Variants in RASSF2 observed in about 807,000 individuals in gnomAD.
The protein encoded by RASSF2 is ras association domain-containing protein 2.
A neutral mutation model predicts 46.3 loss-of-function variants in RASSF2; 34 were observed. The ratio of observed to expected loss-of-function variants is 0.73; its 90% CI spans 0.56 to 0.98. RASSF2 has a LOEUF of 0.98. Ranked by LOEUF, RASSF2 falls within the 50% of genes least tolerant of loss-of-function variation. The pLI, the probability that RASSF2 is intolerant of heterozygous loss-of-function variation, is 0.00. For missense variants in RASSF2, 364 were observed against 431.2 expected, an observed-to-expected ratio of 0.84 and a Z score of 1.38; for synonymous variants, 158 against 162.5, an observed-to-expected ratio of 0.97 and a Z score of 0.21.
chr20:4,811,815 C>T (rs1459243931), intron 2 of RASSF2, among the ~76,000 whole-genome samples: 4 of 152,126 alleles, frequency 2.6e-5, no homozygotes, highest in Non-Finnish European at 5.9e-5. Context: ...GTAGCTTCCT[C>T]TTTTGGGGCC....
intron 6 of RASSF2, among the ~76,000 whole-genome samples, chr20:4,791,222 G>C (rs570328554): frequency 2.0e-5 from 3 of 152,182 alleles, no homozygotes; most frequent in African/African-American, 4.8e-5. Context: ...CAGAGACAGA[G>C]AGTAGAATGG....
rs1462946184 is a variant in RASSF2, at chr20:4,799,159, A to C, written c.60-1074T>G. Among the ~76,000 whole-genome samples, 5 of 152,154 alleles carry C rather than the reference A, an allele frequency of 3.3e-5. No homozygotes were observed. In the South Asian group the frequency reaches 1.0e-3, roughly 32 times the overall value. On this transcript the variant is annotated intron_variant, in intron 3 of 11. Transcript: ENST00000379400. ...TTCTGGGCCCTGGCAATACTTTTTC[A>C]GTTCTAAAAATTAAAAAATAAAAAC...
intron 2 of RASSF2, among the ~76,000 whole-genome samples, chr20:4,821,182 A>G (rs897279445): frequency 2.0e-5 from 3 of 152,174 alleles, no homozygotes; most frequent in African/African-American, 7.2e-5. Flanking sequence ...GGGTCAGAGC[A>G]TCCAAAGGAT....
chr20:4,814,505 C>A (rs977321232), intron 2 of RASSF2, among the ~76,000 whole-genome samples: 1 of 152,126 alleles, frequency 6.6e-6, no homozygotes, highest in Admixed American at 6.5e-5. Flanking sequence ...TTCCTCTACT[C>A]GCCACCTGGG....
At chr20:4,796,117 C>A (rs1439711796) in intron 4 of RASSF2, 151 bp from the exon 5 acceptor site, 3 of 707,832 alleles carry the variant, frequency 4.2e-6, no homozygotes, top group African/African-American at 1.9e-5. Context: ...CAGTTCACAC[C>A]GCAGCTCTGA....
chr20:4,784,840 G>A (rs2422980), intron 11 of RASSF2, among the ~76,000 whole-genome samples: 84,199 of 151,884 alleles, frequency 0.55, 23,357 homozygotes, highest in Non-Finnish European at 0.58. Context: ...TGCAGAAGAG[G>A]CCATAGCAGC....
chr20:4,784,317 G>A lies in RASSF2; in HGVS notation c.937C>T (p.Arg313Ter), dbSNP rs1485547634. 6 of 1,613,870 alleles carry A rather than the reference G, an allele frequency of 3.7e-6. No individual in the cohort carries two copies. Among genetic ancestry groups the A allele is most frequent in the Non-Finnish European group, 4.2e-6 (5 of 1,179,898 alleles). Reference protein sequence around the residue: ...RKYTVLRLMIRQRLEEIAETP... With the variant: ...RKYTVLRLMI ...TCGGCTATCTCCTCCAGCCTCTGTC[G>A]AATCATTAGCCGGAGCACGGTGTAC... The change falls in exon 12 of 12, where the codon CGA becomes TGA. Residue 313 changes from arginine to a stop codon, truncating the protein, a stop_gained. Coordinates refer to ENST00000379400, the MANE Select transcript of RASSF2 (RefSeq NM_014737.3). LOFTEE classifies it high-confidence loss of function.
At position 4,786,623 on chromosome 20, in the gene RASSF2, G is replaced by A. The variant is rs1925368557; in HGVS notation, c.814-295C>T. 2.6e-5 allele frequency among the ~76,000 whole-genome samples: 4 copies of A among 152,174 alleles called. No homozygotes were observed. In the South Asian group the frequency reaches 8.3e-4, roughly 31 times the overall value. The stretch of plus-strand genomic sequence containing the variant: ...AAGTACTTTCTTTTGACACAGTGAT[G>A]CAGAGAAAGAACTGAACCCATTATG... On this transcript the variant is annotated intron_variant, in intron 10 of 11. Transcript: ENST00000379400.
intron 2 of RASSF2, among the ~76,000 whole-genome samples, chr20:4,801,435 T>C (rs1335473499): frequency 1.3e-5 from 2 of 152,226 alleles, no homozygotes; most frequent in Non-Finnish European, 1.5e-5. Context: ...CCGATTCTAC[T>C]GAGGTCTACT....
At chr20:4,797,784 T>C (rs1926474094) in intron 4 of RASSF2, among the ~76,000 whole-genome samples, 1 of 152,170 alleles carries the variant, frequency 6.6e-6, no homozygotes, top group African/African-American at 2.4e-5. Context: ...CCCTGCCACA[T>C]TTCTACAGGA....
intron 1 of RASSF2, among the ~76,000 whole-genome samples, chr20:4,822,859 C>A (rs541138059): frequency 2.0e-5 from 3 of 152,268 alleles, no homozygotes; most frequent in African/African-American, 7.2e-5. Context: ...TGGGGTCGGG[C>A]ACTCTCCAGG....
rs958439303 is a variant in RASSF2, at chr20:4,812,435, C to T, written c.-33+9894G>A. Among the ~76,000 whole-genome samples, 5 of 152,204 alleles carry T rather than the reference C, an allele frequency of 3.3e-5. No individual in the cohort carries two copies. Among genetic ancestry groups the T allele is most frequent in the Non-Finnish European group, 5.9e-5 (4 of 68,038 alleles). ...AATCCAGGGCGGTGCAGGTGCCAAG[C>T]GGAACCCCTGTAGACTACAGCTTCT... is the stretch of plus-strand genomic sequence containing the variant. On this transcript the variant is annotated intron_variant, in intron 2 of 11. Transcript: ENST00000379400. This position sits in a 1 kb window ranked among gnomAD's most constrained non-coding sequence, Gnocchi z 4.0.
Position 4,782,856 on chromosome 20 carries a change from G to T in RASSF2, c.*1417C>A, listed in dbSNP as rs908885176. The T allele has an allele frequency of 1.3e-5, 2 of 152,278 alleles. No individual in the cohort carries two copies. Among genetic ancestry groups the T allele is most frequent in the Non-Finnish European group, 2.9e-5 (2 of 68,126 alleles). The allele number at this position is 152,278 out of a possible 1,614,324, so 9.4% of individuals were successfully genotyped here. A position where few individuals can be genotyped will look rare whatever the true frequency, so the allele number is the denominator to read the frequency against. ...CTATCAGGAGCTCCTGATCTTGCTTGGTCAATCTCCATAGCCAGGCACCCA... is the reference window on the plus strand; with the variant it reads ...CTATCAGGAGCTCCTGATCTTGCTTTGTCAATCTCCATAGCCAGGCACCCA... On this transcript the variant is annotated 3_prime_UTR_variant, in exon 12 of 12. Coordinates refer to ENST00000379400, the MANE Select transcript of RASSF2 (RefSeq NM_014737.3).
chr20:4,813,330 TCTGCCACCAA>T (rs1358736620), intron 2 of RASSF2, among the ~76,000 whole-genome samples: 20 of 152,118 alleles, frequency 1.3e-4, no homozygotes, highest in South Asian at 2.1e-4. Flanking sequence ...CCGCCACTCT[TCTGCCACCAA>T]CTGTGGCCCA....
chr20:4,809,521 C>T (rs1341306901), intron 2 of RASSF2, among the ~76,000 whole-genome samples: 1 of 152,162 alleles, frequency 6.6e-6, no homozygotes, highest in African/African-American at 2.4e-5. Context: ...GTGTTTCTCT[C>T]CCCTCCTGGG....
chr20:4,789,148 A>G (rs2422989), intron 8 of RASSF2, among the ~76,000 whole-genome samples: 62,626 of 151,774 alleles, frequency 0.41, 13,060 homozygotes, highest in African/African-American at 0.46. Context: ...TATAATTTGC[A>G]CGTCTATTTA....
chr20:4,781,290 A>G lies in RASSF2; in HGVS notation c.*2983T>C, dbSNP rs891743549. On this transcript the variant is annotated 3_prime_UTR_variant, in exon 12 of 12. Transcript: ENST00000379400. ...AAAATGTGTTTACCTAGAGGTTTCT[A>G]GGAGAGAGTACTGTTCTCTTCTGGT... The G allele has an allele frequency of 6.6e-6, 1 of 152,138 alleles. No individual in the cohort carries two copies. Among genetic ancestry groups the G allele is most frequent in the African/African-American group, 2.4e-5 (1 of 41,428 alleles). The allele number at this position is 152,138 out of a possible 1,614,324, so 9.4% of individuals were successfully genotyped here. A position where few individuals can be genotyped will look rare whatever the true frequency, so the allele number is the denominator to read the frequency against.
At chr20:4,808,812 A>G (rs907747317) in intron 2 of RASSF2, among the ~76,000 whole-genome samples, 3 of 152,174 alleles carry the variant, frequency 2.0e-5, no homozygotes, top group African/African-American at 4.8e-5. Context: ...TGCTCTTTGG[A>G]AGTCTAAAAC....
At chr20:4,786,447 G>A in intron 10 of RASSF2, 119 bp from the exon 11 acceptor site, 1 of 923,122 alleles carries the variant, frequency 1.1e-6, no homozygotes, top group Middle Eastern at 2.2e-4. Flanking sequence ...CAGAAACCCA[G>A]GATTTCCTTA....
Sources: allele counts gnomAD v4.1 joint callset (sites outside exome capture counted in the v4.1 genomes callset), GRCh38; gene constraint gnomAD v4.1.1; non-coding constraint Gnocchi (gnomAD v3.1); transcripts MANE v1.5; gene names NCBI Gene and HGNC (gene_info 2026-07-23, HGNC 2026-07-21).